The following GFRA2 variants were observed in gnomAD, a reference collection of about 807,000 sequenced individuals.
GFRA2 encodes the protein GDNF family receptor alpha-2.
In GFRA2, 17 loss-of-function variants were observed where a neutral mutation model predicts 48.3. The observed-to-expected ratio is 0.35, with a 90% CI of 0.24 to 0.53. The LOEUF (loss-of-function observed/expected upper bound fraction) is 0.53. Among genes scored for constraint, GFRA2 ranks in the 20% least tolerant of loss-of-function variants. The probability of loss-of-function intolerance (pLI) is 0.93; values close to 1 mark genes in which losing one functional copy is unlikely to be tolerated. For missense variants in GFRA2, 660 were observed against 637.3 expected (o/e 1.04, Z -0.38); for synonymous variants, 305 against 257.2 (o/e 1.19, Z -1.78).
At chr8:21,774,734 A>G (rs911550424) in intron 3 of GFRA2, among the ~76,000 whole-genome samples, 2 of 152,166 alleles carry the variant, frequency 1.3e-5, no homozygotes, top group Admixed American at 6.5e-5. Flanking sequence ...GCCCTACTCC[A>G]TGACAGCCAC....
intron 4 of GFRA2, among the ~76,000 whole-genome samples, chr8:21,711,912 G>GTTTAACAA (rs1415336755): frequency 6.6e-6 from 1 of 152,184 alleles, no homozygotes; most frequent in East Asian, 1.9e-4. Flanking sequence ...TCAAGCATCT[G>GTTTAACAA]TTTAACAAAG....
At chr8:21,710,086 C>T (rs1346398107) in intron 4 of GFRA2, among the ~76,000 whole-genome samples, 2 of 152,170 alleles carry the variant, frequency 1.3e-5, no homozygotes, top group Non-Finnish European at 2.9e-5. Context: ...CAGACCCAGC[C>T]ACTGGGGAAG....
chr8:21,707,503 G>A (rs10088105), intron 4 of GFRA2, among the ~76,000 whole-genome samples: 24,451 of 152,000 alleles, frequency 0.16, 2,174 homozygotes, highest in African/African-American at 0.22. Context: ...GGACAAATTC[G>A]TTTCTCTGGA....
At chr8:21,790,620 C>A (rs1395724206), upstream of GFRA2, among the ~76,000 whole-genome samples, 1 of 152,338 alleles carries the variant, frequency 6.6e-6, no homozygotes, top group African/African-American at 2.4e-5. Flanking sequence ...GGGGCATCGA[C>A]CTTCCTCCCT....
chr8:21,710,629 C>T (rs1386046837), intron 4 of GFRA2, among the ~76,000 whole-genome samples: 3 of 152,152 alleles, frequency 2.0e-5, no homozygotes, highest in African/African-American at 4.8e-5. Flanking sequence ...GCTAGGCCCC[C>T]GGGTGACCAC....
intron 2 of GFRA2, among the ~76,000 whole-genome samples, chr8:21,799,699 G>A (rs773664255): frequency 3.3e-5 from 5 of 152,262 alleles, no homozygotes; most frequent in Non-Finnish European, 7.3e-5. Flanking sequence ...CCAGCCTAGT[G>A]AACCAAGTCA....
chr8:21,717,733 C>A (rs1803401582), intron 4 of GFRA2, among the ~76,000 whole-genome samples: 1 of 152,164 alleles, frequency 6.6e-6, no homozygotes, highest in Admixed American at 6.5e-5. Context: ...GCTACTCTTT[C>A]CTGGGCTGCT....
At position 21,775,158 on chromosome 8, in the gene GFRA2, G is replaced by T. The variant is rs1289603643; in HGVS notation, c.356-103C>A. 4.3e-6 allele frequency: 3 copies of T among 691,762 alleles called. No homozygotes were observed. The East Asian group carries it at 7.5e-5, about 17-fold the overall frequency. 42.9% of individuals were successfully genotyped at this position (691,762 alleles called of 1,614,324 possible). On this transcript the variant is annotated intron_variant, in intron 2 of 8. Coordinates refer to ENST00000524240, the MANE Select transcript of GFRA2 (RefSeq NM_001495.5). ...AAAGCTCTCTACCAGGGGAAAGCTC[G>T]TGCCACCCAAAGGATAAGAGACAGG... is the stretch of plus-strand genomic sequence containing the variant.
intron 4 of GFRA2, chr8:21,706,371 A>G (rs1048183042): frequency 4.9e-5 from 24 of 488,562 alleles, no homozygotes; most frequent in African/African-American, 4.7e-4. Context: ...TTTGTGGAGA[A>G]TGCCTGGACC....
intron 1 of GFRA2, among the ~76,000 whole-genome samples, chr8:21,808,739 C>G (rs1585356325): frequency 6.6e-6 from 1 of 152,260 alleles, no homozygotes; most frequent in South Asian, 2.1e-4. Context: ...CCCTTGGGCC[C>G]TAGGGCCACG....
At chr8:21,736,636 G>C (rs1306203308) in intron 4 of GFRA2, among the ~76,000 whole-genome samples, 1 of 151,946 alleles carries the variant, frequency 6.6e-6, no homozygotes, top group African/African-American at 2.4e-5. Flanking sequence ...GCTGGGACTA[G>C]AGGCAGGCAC....
intron 4 of GFRA2, among the ~76,000 whole-genome samples, chr8:21,731,412 A>G (rs1403765380): frequency 2.0e-5 from 3 of 152,150 alleles, no homozygotes; most frequent in Non-Finnish European, 2.9e-5. Flanking sequence ...AGCCATCTCA[A>G]TGGCCAACTC....
At chr8:21,746,950 C>A (rs1000040096) in intron 4 of GFRA2, among the ~76,000 whole-genome samples, 2 of 152,204 alleles carry the variant, frequency 1.3e-5, no homozygotes, top group African/African-American at 2.4e-5. Context: ...ACATTATCCA[C>A]CCTTCCTTAA....
In GFRA2 at chr8:21,783,178, G is replaced by A. The variant is rs886166085; in HGVS notation, c.41-279C>T. The A allele has an allele frequency of 1.7e-3, 1,045 of 608,556 alleles. 4 individuals carry two copies. The highest frequency in any genetic ancestry group is 2.6e-3 in the Non-Finnish European group (850 of 325,622). The allele number at this position is 608,556 out of a possible 1,614,324, so 37.7% of individuals were successfully genotyped here. A position where few individuals can be genotyped will look rare whatever the true frequency, so the allele number is the denominator to read the frequency against. ...AGCACAATAAAGCCAGGAAGGTCCC[G>A]GCTCAAGACCTCAGTCTAAGACGTC... is the stretch of plus-strand genomic sequence containing the variant. On this transcript the variant is annotated intron_variant, in intron 1 of 8. Transcript: ENST00000524240.
At chr8:21,792,942 C>T (rs1236248262), upstream of GFRA2, among the ~76,000 whole-genome samples, 1 of 152,166 alleles carries the variant, frequency 6.6e-6, no homozygotes, top group East Asian at 1.9e-4. Context: ...TGGCGCACAC[C>T]TGTAGTCCCA....
In GFRA2 at chr8:21,691,542, A is replaced by G. The variant is rs897343870; in HGVS notation, c.*1736T>C. On this transcript the variant is annotated 3_prime_UTR_variant, in exon 9 of 9. Coordinates refer to ENST00000524240, the MANE Select transcript of GFRA2 (RefSeq NM_001495.5). ...CTGGTGGGACCCAAAAGGCCAGGTC[A>G]CTGCACTCACAATCACACATCTCAA... 1.3e-5 allele frequency: 2 copies of G among 152,336 alleles called. No individual in the cohort carries two copies. The highest frequency in any genetic ancestry group is 1.3e-4 in the Admixed American group (2 of 15,290). The allele number at this position is 152,336 out of a possible 1,614,324, so 9.4% of individuals were successfully genotyped here.
chr8:21,799,117 T>A (rs927035806), intron 2 of GFRA2, among the ~76,000 whole-genome samples: 1 of 152,220 alleles, frequency 6.6e-6, no homozygotes, highest in African/African-American at 2.4e-5. Flanking sequence ...ACCACTTATC[T>A]ACTTGTTTGG....
At chr8:21,767,875 T>C (rs1042116250) in intron 3 of GFRA2, among the ~76,000 whole-genome samples, 5 of 152,206 alleles carry the variant, frequency 3.3e-5, no homozygotes, top group Non-Finnish European at 7.3e-5. Context: ...CAACCACAGA[T>C]GAAGTCACCA....
intron 4 of GFRA2, among the ~76,000 whole-genome samples, chr8:21,743,056 A>C (rs1487760692): frequency 6.6e-6 from 1 of 152,222 alleles, no homozygotes; most frequent in African/African-American, 2.4e-5. Flanking sequence ...CCAGTATTCC[A>C]GCCTTGTCTC....
Sources: gnomAD v4.1 joint callset for allele counts (sites outside exome capture counted in the v4.1 genomes callset) on GRCh38, gnomAD v4.1.1 for gene constraint, MANE v1.5 for transcripts, NCBI Gene and HGNC (gene_info 2026-07-23, HGNC 2026-07-21) for gene names.